UGT1A5: variants seen among roughly 807,000 people sequenced by gnomAD.
UGT1A5 encodes the protein UDP glucuronosyltransferase family 1 member A5.
UGT1A5 carries 29 observed loss-of-function variants against 40.3 expected under a neutral mutation model. The ratio of observed to expected loss-of-function variants is 0.72; its 90% confidence interval spans 0.54 to 0.98. The LOEUF (loss-of-function observed/expected upper bound fraction) is 0.98. Ranked by LOEUF, UGT1A5 falls within the 50% of genes least tolerant of loss-of-function variation. The pLI is 0.00. For synonymous variants in UGT1A5, 257 were observed against 262.5 expected, an observed-to-expected ratio of 0.98 and a Z score of 0.20; for missense variants, 678 against 677.9, an observed-to-expected ratio of 1.00 and a Z score of 0.00.
At position 233,765,423 on chromosome 2, in the gene UGT1A5, G is replaced by A. The variant is rs181881481; in HGVS notation, c.868-1611G>A. Among the ~76,000 whole-genome samples, 139 of 152,286 alleles carry A rather than the reference G, an allele frequency of 9.1e-4. 2 individuals carry two copies. Among genetic ancestry groups the A allele is most frequent in the Non-Finnish European group, 1.8e-3 (124 of 68,036 alleles). On this transcript the variant is annotated intron_variant, in intron 1 of 4. Coordinates refer to ENST00000373414, the MANE Select transcript of UGT1A5 (RefSeq NM_019078.2). ...CATATACACCATGGAATACTATGCA[G>A]CCATAACAAGGAATGAGATCATATT...
Position 233,713,148 on chromosome 2 carries a change from G to T in UGT1A5, c.157G>T (p.Ala53Ser). Residue 53 changes from alanine to serine, a missense_variant, in exon 1 of 5, where the codon GCG (alanine) becomes TCG (serine). By Grantham distance (99) the Ala-to-Ser change is moderately conservative. Coordinates refer to ENST00000373414, the MANE Select transcript of UGT1A5 (RefSeq NM_019078.2). ...SMREALRDLH[A>S]RGHQVVVLTL... ...GCGGGAGGCCTTGCGGGACCTCCAT[G>T]CGAGAGGCCACCAGGTGGTGGTCCT... 1 of 1,614,254 alleles carries T rather than the reference G, an allele frequency of 6.2e-7. No homozygotes were observed. Among genetic ancestry groups the T allele is most frequent in the Non-Finnish European group, 8.5e-7 (1 of 1,180,050 alleles).
At chr2:233,766,090 G>A (rs1699047199) in intron 1 of UGT1A5, among the ~76,000 whole-genome samples, 1 of 152,166 alleles carries the variant, frequency 6.6e-6, no homozygotes, top group Admixed American at 6.5e-5. Flanking sequence ...CAAGGACAGA[G>A]GGCTTTCTGT....
At chr2:233,718,926 A>T in intron 1 of UGT1A5, 1 of 1,614,126 alleles carries the variant, frequency 6.2e-7, no homozygotes, top group Non-Finnish European at 8.5e-7. Context: ...GGTGGTGCCC[A>T]CTGATGGCAG....
chr2:233,719,613 T>C, intron 1 of UGT1A5: 6 of 1,614,096 alleles, frequency 3.7e-6, no homozygotes, highest in Non-Finnish European at 5.1e-6. Flanking sequence ...TGTGATGGAC[T>C]ACCCCAGGCC....
chr2:233,758,136 T>C (rs1239060049), intron 1 of UGT1A5, among the ~76,000 whole-genome samples: 2 of 152,212 alleles, frequency 1.3e-5, no homozygotes, highest in Non-Finnish European at 2.9e-5. Context: ...ATTTGGCAGA[T>C]GAGGGAATTA....
intron 1 of UGT1A5, among the ~76,000 whole-genome samples, chr2:233,724,270 G>C (rs1404305230): frequency 7.4e-6 from 1 of 134,526 alleles, no homozygotes; most frequent in African/African-American, 2.8e-5. Context: ...CGGACGGGGC[G>C]GCTGGCCGGG....
chr2:233,766,305 G>A (rs1441767002), intron 1 of UGT1A5, among the ~76,000 whole-genome samples: 4 of 152,018 alleles, frequency 2.6e-5, no homozygotes, highest in African/African-American at 7.2e-5. Flanking sequence ...GCTCTCCTCC[G>A]ACTGCCTCAG....
intron 1 of UGT1A5, among the ~76,000 whole-genome samples, chr2:233,716,389 A>C (rs1313354106): frequency 6.6e-6 from 1 of 152,190 alleles, no homozygotes; most frequent in East Asian, 1.9e-4. Flanking sequence ...TACCACAGAC[A>C]CTAAGCTTAA....
chr2:233,771,399 T>C (rs972051776), intron 4 of UGT1A5: 1 of 152,180 alleles, frequency 6.6e-6, no homozygotes, highest in African/African-American at 2.4e-5. Flanking sequence ...GATTGGGCAA[T>C]GAACACTGTC....
At chr2:233,742,513 G>A (rs934347498) in intron 1 of UGT1A5, among the ~76,000 whole-genome samples, 9 of 151,822 alleles carry the variant, frequency 5.9e-5, no homozygotes, top group Non-Finnish European at 1.2e-4. Flanking sequence ...TCATGAACAC[G>A]TCACAGTGCT....
chr2:233,743,706 C>T (rs776716166), intron 1 of UGT1A5: 66 of 1,367,252 alleles, frequency 4.8e-5, no homozygotes, highest in Non-Finnish European at 6.3e-5. Context: ...TCCGCCCCCG[C>T]CTCGCCATAG....
intron 1 of UGT1A5, among the ~76,000 whole-genome samples, chr2:233,727,779 C>T (rs1053796621): frequency 3.3e-5 from 5 of 152,220 alleles, no homozygotes; most frequent in East Asian, 1.9e-4. Flanking sequence ...CCCCAGTAGA[C>T]GCTTCCATTC....
chr2:233,748,690 T>C (rs1289414709), intron 1 of UGT1A5, among the ~76,000 whole-genome samples: 4 of 151,634 alleles, frequency 2.6e-5, no homozygotes, highest in Non-Finnish European at 5.9e-5. Context: ...ACAAAAGATT[T>C]TTCTGGTCAG....
chr2:233,725,050 G>C (rs2077352447), intron 1 of UGT1A5, among the ~76,000 whole-genome samples: 1 of 147,798 alleles, frequency 6.8e-6, no homozygotes, highest in South Asian at 2.3e-4. Flanking sequence ...AGTCAGGCGT[G>C]GCGGCGCGCG....
chr2:233,763,409 T>C (rs1698304893), intron 1 of UGT1A5, among the ~76,000 whole-genome samples: 1 of 152,246 alleles, frequency 6.6e-6, no homozygotes, highest in Admixed American at 6.5e-5. Flanking sequence ...ACTGGTATTT[T>C]TAATCCAGTC....
intron 1 of UGT1A5, chr2:233,719,445 C>T: frequency 6.2e-7 from 1 of 1,613,958 alleles, no homozygotes; most frequent in Non-Finnish European, 8.5e-7. Context: ...GACATTCCTG[C>T]AAAGGGTCAA....
chr2:233,726,353 T>C lies in UGT1A5; in HGVS notation c.867+12495T>C, dbSNP rs2077527034. Among the ~76,000 whole-genome samples the C allele has an allele frequency of 2.0e-5, 3 of 152,202 alleles. No individual in the cohort carries two copies. The South Asian group carries it at 6.2e-4, about 32-fold the overall frequency. ...CACCTGTGGTTTTTTGATTTATTTA[T>C]TTAAAACACAACAAAAACCAAAATT... On this transcript the variant is annotated intron_variant, in intron 1 of 4. Transcript: ENST00000373414.
In UGT1A5 at chr2:233,712,975, CGGT is replaced by C. The variant is rs2076265720; in HGVS notation, c.-14_-12del. 1 of 1,612,932 alleles carries C rather than the reference CGGT, an allele frequency of 6.2e-7. No homozygotes were observed. Among genetic ancestry groups the C allele is most frequent in the African/African-American group, 1.3e-5 (1 of 74,916 alleles). On this transcript the variant is annotated 5_prime_UTR_variant, in exon 1 of 5. Transcript: ENST00000373414. ...CAACGTGGGGTGGACAGTCAGCTGT[CGGT>C]GGCTTCTGCTGAGATGGCCACAGGA...
intron 1 of UGT1A5, chr2:233,760,240 A>G (rs749913707): frequency 1.2e-6 from 2 of 1,607,210 alleles, no homozygotes; most frequent in South Asian, 2.2e-5. Context: ...TGCCATATAT[A>G]TATATATAAG....
Sources: gnomAD v4.1 joint callset for allele counts (sites outside exome capture counted in the v4.1 genomes callset) on GRCh38, gnomAD v4.1.1 for gene constraint, MANE v1.5 for transcripts, NCBI Gene and HGNC (gene_info 2026-07-23, HGNC 2026-07-21) for gene names.